The following DCC variants were observed in gnomAD, a reference collection of about 807,000 sequenced individuals.
The protein encoded by DCC is DCC netrin 1 receptor, also known as netrin receptor DCC.
Under a neutral mutation model 172.5 loss-of-function variants are expected in DCC, and 58 were observed. The ratio of observed to expected loss-of-function variants is 0.34; its 90% CI spans 0.27 to 0.42. The LOEUF (loss-of-function observed/expected upper bound fraction) is 0.42, where lower values mean the gene tolerates loss of function less well. Ranked by LOEUF, DCC falls within the 10% of genes least tolerant of loss-of-function variation. The probability of loss-of-function intolerance (pLI) is 1.00; values close to 1 mark genes in which losing one functional copy is unlikely to be tolerated. For missense variants in DCC, 1,740 were observed against 1,791.0 expected (o/e 0.97, Z 0.51); for synonymous variants, 709 against 644.5 (o/e 1.10, Z -1.52).
intron 1 of DCC, among the ~76,000 whole-genome samples, chr18:52,532,360 G>T (rs2032175106): frequency 1.3e-5 from 2 of 152,074 alleles, no homozygotes; most frequent in African/African-American, 4.8e-5. Context: ...GTGCAAGCTG[G>T]AGAGATCACA....
intron 25 of DCC, among the ~76,000 whole-genome samples, chr18:53,477,685 A>C (rs139883455): frequency 6.6e-6 from 1 of 152,280 alleles, no homozygotes; most frequent in East Asian, 1.9e-4. Context: ...GGCTCTTAAA[A>C]CTCACAGAGA....
At chr18:52,681,399 C>T (rs2035748458) in intron 1 of DCC, among the ~76,000 whole-genome samples, 1 of 152,038 alleles carries the variant, frequency 6.6e-6, no homozygotes, top group Admixed American at 6.6e-5. Flanking sequence ...GTGTCAGTTG[C>T]AAACACACAC....
chr18:53,285,318 G>A (rs1234752326), intron 12 of DCC, among the ~76,000 whole-genome samples: 1 of 152,146 alleles, frequency 6.6e-6, no homozygotes, highest in Non-Finnish European at 1.5e-5. Flanking sequence ...TCCCTCTATT[G>A]TGTGCAGTCT....
At chr18:52,480,310 A>G (rs946541709) in intron 1 of DCC, among the ~76,000 whole-genome samples, 4 of 152,176 alleles carry the variant, frequency 2.6e-5, no homozygotes, top group African/African-American at 9.6e-5. Context: ...TTGGCTTAAA[A>G]TGAGGATTCT....
At chr18:53,357,771 G>A (rs971183666) in intron 15 of DCC, among the ~76,000 whole-genome samples, 3 of 152,116 alleles carry the variant, frequency 2.0e-5, no homozygotes, top group African/African-American at 7.2e-5. Flanking sequence ...CTTACTGAGA[G>A]CATTTATGTA....
chr18:52,997,967 G>C (rs1304367172), intron 5 of DCC, among the ~76,000 whole-genome samples: 1 of 151,886 alleles, frequency 6.6e-6, no homozygotes, highest in Non-Finnish European at 1.5e-5. Flanking sequence ...CATCTCTCAG[G>C]TTCAACCCTT....
At chr18:52,387,571 G>C (rs1483234014) in intron 1 of DCC, among the ~76,000 whole-genome samples, 1 of 93,108 alleles carries the variant, frequency 1.1e-5, no homozygotes, top group East Asian at 3.0e-4. Flanking sequence ...GTTTTGTTTT[G>C]TTTCTTCCTT....
intron 1 of DCC, among the ~76,000 whole-genome samples, chr18:52,524,278 T>C (rs1568211965): frequency 6.6e-6 from 1 of 152,378 alleles, no homozygotes; most frequent in Non-Finnish European, 1.5e-5. Context: ...CATGCTTTTA[T>C]TTAAACACAT....
chr18:52,749,259 C>T (rs1031520671), intron 1 of DCC, among the ~76,000 whole-genome samples: 5 of 152,016 alleles, frequency 3.3e-5, no homozygotes, highest in Non-Finnish European at 7.4e-5. Flanking sequence ...CAAACAGGAA[C>T]AGAAGTTCTC....
intron 1 of DCC, among the ~76,000 whole-genome samples, chr18:52,556,092 G>T (rs1032399391): frequency 6.6e-6 from 1 of 152,078 alleles, no homozygotes; most frequent in African/African-American, 2.4e-5. Flanking sequence ...AACTGTATAA[G>T]CTGCTCCTAA....
intron 9 of DCC, among the ~76,000 whole-genome samples, chr18:53,181,585 A>G (rs2055197789): frequency 6.6e-6 from 1 of 152,114 alleles, no homozygotes; most frequent in Non-Finnish European, 1.5e-5. Flanking sequence ...AAGAATAATG[A>G]TTTTTTTGTA....
chr18:52,668,043 A>G (rs908079478), intron 1 of DCC, among the ~76,000 whole-genome samples: 4 of 139,476 alleles, frequency 2.9e-5, no homozygotes, highest in African/African-American at 5.0e-5. Context: ...GTAGAGAAGG[A>G]AAAAAAAACA....
At chr18:52,780,518 G>C (rs1002293142) in intron 2 of DCC, among the ~76,000 whole-genome samples, 1 of 152,076 alleles carries the variant, frequency 6.6e-6, no homozygotes, top group African/African-American at 2.4e-5. Flanking sequence ...AGTTTTATAT[G>C]ACACAGGAAC....
At chr18:53,369,246 T>G (rs60218578) in intron 15 of DCC, among the ~76,000 whole-genome samples, 71,811 of 151,624 alleles carry the variant, frequency 0.47, 17,703 homozygotes, top group Non-Finnish European at 0.54. Context: ...CATTGTTATT[T>G]TATGGAAACA....
chr18:53,454,172 AC>A (rs1291295790), intron 23 of DCC, among the ~76,000 whole-genome samples: 2 of 152,170 alleles, frequency 1.3e-5, no homozygotes, highest in Non-Finnish European at 2.9e-5. Flanking sequence ...ACATAGTGAG[AC>A]CTTATCTCTA....
chr18:53,190,966 A>G lies in DCC; in HGVS notation c.1573+11850A>G, dbSNP rs2055358948. On this transcript the variant is annotated intron_variant, in intron 9 of 28. Coordinates refer to ENST00000442544, the MANE Select transcript of DCC (RefSeq NM_005215.4). ...TCTTAAGAAACAAACAAACAAACAA[A>G]CAAAAAATCTCAGCTTTGGTGAGAT... Among the ~76,000 whole-genome samples the G allele has an allele frequency of 2.6e-5, 4 of 152,030 alleles. No individual in the cohort carries two copies. In the South Asian group the frequency reaches 8.3e-4, roughly 32 times the overall value.
At chr18:53,235,610 T>G (rs996351578) in intron 12 of DCC, among the ~76,000 whole-genome samples, 1 of 152,154 alleles carries the variant, frequency 6.6e-6, no homozygotes, top group Non-Finnish European at 1.5e-5. Context: ...CTTTTGTACA[T>G]GTAGTAAAAT....
chr18:52,654,745 A>G (rs137899349), intron 1 of DCC, among the ~76,000 whole-genome samples: 1 of 152,260 alleles, frequency 6.6e-6, no homozygotes. Context: ...GGGATATACA[A>G]CTAAAGCTTT....
chr18:52,480,058 A>T (rs1374532705), intron 1 of DCC, among the ~76,000 whole-genome samples: 2 of 152,094 alleles, frequency 1.3e-5, no homozygotes, highest in Admixed American at 1.3e-4. Flanking sequence ...AACCCCTAAG[A>T]CTCAGAATGA....
Sources: allele counts gnomAD v4.1 joint callset (sites outside exome capture counted in the v4.1 genomes callset), GRCh38; gene constraint gnomAD v4.1.1; transcripts MANE v1.5; gene names NCBI Gene and HGNC (gene_info 2026-07-23, HGNC 2026-07-21).